The following MAD2L2 variants were observed in gnomAD, a reference collection of about 807,000 sequenced individuals.
MAD2L2 encodes the protein mitotic spindle assembly checkpoint protein MAD2B.
In MAD2L2, 17 loss-of-function variants were observed where a neutral mutation model predicts 30.5. That is an observed-to-expected ratio of 0.56 (90% CI 0.38 to 0.84). The LOEUF (loss-of-function observed/expected upper bound fraction) is 0.84. Ranked by LOEUF, MAD2L2 falls within the 40% of genes least tolerant of loss-of-function variation. MAD2L2 has a pLI of 0.00. For missense variants in MAD2L2, 213 were observed against 277.4 expected, an observed-to-expected ratio of 0.77 and a Z score of 1.65; for synonymous variants, 101 against 113.9, an observed-to-expected ratio of 0.89 and a Z score of 0.72.
At chr1:11,678,447 A>T (rs920955235) in intron 3 of MAD2L2, among the ~76,000 whole-genome samples, 2 of 152,202 alleles carry the variant, frequency 1.3e-5, no homozygotes, top group Admixed American at 6.5e-5. Flanking sequence ...TCCCAATATG[A>T]GCATTTAATA....
At chr1:11,680,914 G>A (rs958774282) in intron 1 of MAD2L2, 125 bp downstream of exon 1, 23 of 522,292 alleles carry the variant, frequency 4.4e-5, no homozygotes, top group Non-Finnish European at 5.7e-5. Context: ...ACAGCGGGAT[G>A]CCCAGGGCCG....
At chr1:11,677,449 C>T in intron 4 of MAD2L2, 94 bp downstream of exon 4, 1 of 1,237,156 alleles carries the variant, frequency 8.1e-7, no homozygotes. Context: ...CCCACAGAGT[C>T]CTAGCTTCAC....
chr1:11,686,403 A>G (rs890390741), intron 1 of MAD2L2, among the ~76,000 whole-genome samples: 1 of 151,996 alleles, frequency 6.6e-6, no homozygotes, highest in Non-Finnish European at 1.5e-5. Flanking sequence ...AGTGTTGCTG[A>G]CCCCTCAGTG....
At chr1:11,684,202 AT>A (rs962467402), upstream of MAD2L2, among the ~76,000 whole-genome samples, 2 of 152,110 alleles carry the variant, frequency 1.3e-5, no homozygotes, top group African/African-American at 4.8e-5. Context: ...CCGAGTCAGC[AT>A]GGGCCCATCC....
At chr1:11,682,402 C>T (rs943516790), upstream of MAD2L2, among the ~76,000 whole-genome samples, 1 of 152,150 alleles carries the variant, frequency 6.6e-6, no homozygotes, top group African/African-American at 2.4e-5. Context: ...CAGATCTAGC[C>T]AGACTTGTTT....
exon 1 of MAD2L2, chr1:11,691,467 G>GCCTTTGTCTGCCT (rs1641064459): frequency 6.6e-6 from 1 of 152,520 alleles, no homozygotes; most frequent in African/African-American, 2.4e-5. Flanking sequence ...GGCTGCGCCC[G>GCCTTTGTCTGCCT]CCTTTGTCTG....
chr1:11,675,936 G>A (rs1349525007), intron 6 of MAD2L2, 110 bp downstream of exon 6: 1 of 988,422 alleles, frequency 1.0e-6, no homozygotes, highest in Admixed American at 1.8e-5. Flanking sequence ...GGACTCTCAG[G>A]GTTAGGAAGA....
At chr1:11,678,460 C>A (rs186262993) in intron 3 of MAD2L2, among the ~76,000 whole-genome samples, 1 of 152,138 alleles carries the variant, frequency 6.6e-6, no homozygotes, top group Non-Finnish European at 1.5e-5. Flanking sequence ...ATTTAATATA[C>A]CATTAGGGGT....
chr1:11,677,483 G>A, intron 4 of MAD2L2, 60 bp downstream of exon 4: 1 of 1,500,034 alleles, frequency 6.7e-7, no homozygotes, highest in Non-Finnish European at 9.3e-7. Flanking sequence ...TGGACTGTGA[G>A]CACACAGGGA....
At position 11,675,112 on chromosome 1, in the gene MAD2L2, TG is replaced by T; in HGVS notation, c.563del (p.Pro188HisfsTer2). ...DVHMHDPRLI[P>X]LKTMTSDILK... ...AAATGTCCGACGTCATGGTTTTTAG[TG>T]GTATCAGCCGGGGGTCATGCATGTG... On this transcript the variant is annotated frameshift_variant, in exon 8 of 9. Transcript: ENST00000376692. LOFTEE classifies it high-confidence loss of function. 6.2e-7 allele frequency: 1 copy of T among 1,601,850 alleles called. No homozygotes were observed. The highest frequency in any genetic ancestry group is 1.7e-5 in the Admixed American group (1 of 57,648).
chr1:11,674,710 C>A lies in MAD2L2; in HGVS notation c.*65G>T, dbSNP rs1424477690. The A allele has an allele frequency of 1.3e-6, 2 of 1,546,812 alleles. No homozygotes were observed. Among genetic ancestry groups the A allele is most frequent in the Non-Finnish European group, 1.8e-6 (2 of 1,121,530 alleles). ...TTGGAATCAGGGCAGCCATGCAGCA[C>A]TGCCCTAGGCGGGGATCCCCCAAAG... On this transcript the variant is annotated 3_prime_UTR_variant, in exon 9 of 9. Coordinates refer to ENST00000376692, the MANE Select transcript of MAD2L2 (RefSeq NM_006341.4). The surrounding 1 kb of genome is among the most constrained non-coding windows in gnomAD (Gnocchi z 6.1).
chr1:11,680,338 T>G lies in MAD2L2; in HGVS notation c.159+15A>C. 1 of 1,606,066 alleles carries G rather than the reference T, an allele frequency of 6.2e-7. No homozygotes were observed. The highest frequency in any genetic ancestry group is 1.7e-4 in the Middle Eastern group (1 of 6,044). On this transcript the variant is annotated intron_variant, in intron 3 of 8. Transcript: ENST00000376692. ...CCACCCTGTACCCACTCTGTGGTTC[T>G]GGGACGTGCCTCACCTGGACCGGCA...
chr1:11,678,488 T>C (rs1640811009), intron 3 of MAD2L2, among the ~76,000 whole-genome samples: 1 of 152,224 alleles, frequency 6.6e-6, no homozygotes, highest in Non-Finnish European at 1.5e-5. Context: ...GTGGGGTCCA[T>C]GGACTCCTCC....
rs529770362 is a variant in MAD2L2 at position 11,675,175 on chromosome 1, C to T, written c.502-1G>A. ...CATCCGCCAGGATCCAGGGGAAATC[C>T]TAGGGAGGAGACAAAGGTCAGGGGG... On this transcript the variant is annotated splice_acceptor_variant, in intron 7 of 8. Coordinates refer to ENST00000376692, the MANE Select transcript of MAD2L2 (RefSeq NM_006341.4). LOFTEE classifies it high-confidence loss of function. The T allele has an allele frequency of 6.3e-7, 1 of 1,587,880 alleles. No homozygotes were observed. Among genetic ancestry groups the T allele is most frequent in the African/African-American group, 1.3e-5 (1 of 74,110 alleles).
chr1:11,675,259 G>T, intron 7 of MAD2L2, 85 bp from the exon 8 acceptor site: 1 of 901,468 alleles, frequency 1.1e-6, no homozygotes, highest in South Asian at 1.7e-5. Flanking sequence ...TCCAGACCAG[G>T]GGCCTCCAAC....
chr1:11,683,896 G>T (rs1360884529), upstream of MAD2L2, among the ~76,000 whole-genome samples: 1 of 152,126 alleles, frequency 6.6e-6, no homozygotes. Flanking sequence ...ACTTGAACCC[G>T]GGAGGCGGAG....
chr1:11,677,373 G>A (rs1570286213), intron 4 of MAD2L2, 170 bp downstream of exon 4: 1 of 678,714 alleles, frequency 1.5e-6, no homozygotes. Flanking sequence ...CTTGGGGCCT[G>A]CCCCTGGGTT....
chr1:11,680,858 C>T, intron 1 of MAD2L2, 181 bp downstream of exon 1: 1 of 1,111,786 alleles, frequency 9.0e-7, no homozygotes. Context: ...GTGGAAAGAC[C>T]ACAGCTGTGC....
At chr1:11,685,124 TC>T (rs1371347375), upstream of MAD2L2, among the ~76,000 whole-genome samples, 1 of 151,950 alleles carries the variant, frequency 6.6e-6, no homozygotes, top group Non-Finnish European at 1.5e-5. Context: ...AGGCAGGGTC[TC>T]CCCATGTTGC....
Sources: gnomAD v4.1 joint callset for allele counts (sites outside exome capture counted in the v4.1 genomes callset) on GRCh38, gnomAD v4.1.1 for gene constraint, Gnocchi (gnomAD v3.1) non-coding constraint, MANE v1.5 for transcripts, NCBI Gene and HGNC (gene_info 2026-07-23, HGNC 2026-07-21) for gene names.